EXOC6: variants seen among roughly 807,000 people sequenced by gnomAD.
EXOC6 encodes SEC15-like 1.
In EXOC6, 60 loss-of-function variants were observed where a neutral mutation model predicts 112.5. The ratio of observed to expected loss-of-function variants is 0.53; its 90% CI spans 0.43 to 0.66. The LOEUF is 0.66. Among genes scored for constraint, EXOC6 ranks in the 30% least tolerant of loss-of-function variants. EXOC6 has a pLI of 0.00. For missense variants in EXOC6, 855 were observed against 957.1 expected, an observed-to-expected ratio of 0.89 and a Z score of 1.41; for synonymous variants, 295 against 308.0, an observed-to-expected ratio of 0.96 and a Z score of 0.44.
chr10:93,004,162 G>A (rs1320872670), intron 19 of EXOC6, among the ~76,000 whole-genome samples: 2 of 152,176 alleles, frequency 1.3e-5, no homozygotes, highest in African/African-American at 2.4e-5. Flanking sequence ...TGGATTCCAG[G>A]CATTTTGGAG....
At chr10:92,991,109 A>G (rs1218352296) in intron 18 of EXOC6, among the ~76,000 whole-genome samples, 4 of 147,054 alleles carry the variant, frequency 2.7e-5, no homozygotes, top group African/African-American at 7.7e-5. Flanking sequence ...TGTCTAAACC[A>G]TTAGTGATTC....
chr10:93,013,317 A>T (rs1202035971), intron 19 of EXOC6, among the ~76,000 whole-genome samples: 1 of 152,030 alleles, frequency 6.6e-6, no homozygotes, highest in Non-Finnish European at 1.5e-5. Context: ...TTTCTAAAAA[A>T]ATCACTGGCC....
At chr10:92,871,917 A>G (rs1430843002) in intron 1 of EXOC6, among the ~76,000 whole-genome samples, 2 of 151,948 alleles carry the variant, frequency 1.3e-5, no homozygotes, top group East Asian at 3.8e-4. Flanking sequence ...AATTTTGTGT[A>G]TTTGTAATTT....
intron 19 of EXOC6, among the ~76,000 whole-genome samples, chr10:93,000,713 G>A (rs543319890): frequency 2.0e-5 from 3 of 152,176 alleles, no homozygotes; most frequent in South Asian, 2.1e-4. Context: ...TCTGAATACA[G>A]TAACATGCAT....
intron 1 of EXOC6, among the ~76,000 whole-genome samples, chr10:92,840,771 T>C (rs1375409834): frequency 6.6e-6 from 1 of 151,816 alleles, no homozygotes; most frequent in Admixed American, 6.6e-5. Flanking sequence ...AATCCACCCA[T>C]CTCAGCCTCT....
At chr10:92,953,662 C>A (rs2134013870) in intron 15 of EXOC6, among the ~76,000 whole-genome samples, 1 of 152,222 alleles carries the variant, frequency 6.6e-6, no homozygotes, top group African/African-American at 2.4e-5. Flanking sequence ...GATGGATAAT[C>A]CATGGTCTAC....
chr10:92,856,992 T>C (rs1847633097), intron 1 of EXOC6, among the ~76,000 whole-genome samples: 1 of 152,198 alleles, frequency 6.6e-6, no homozygotes, highest in African/African-American at 2.4e-5. Context: ...TACTTTTAAA[T>C]ATGTCATTAA....
At chr10:92,851,752 A>G (rs1460474709) in intron 1 of EXOC6, among the ~76,000 whole-genome samples, 4 of 151,952 alleles carry the variant, frequency 2.6e-5, no homozygotes, top group African/African-American at 9.7e-5. Flanking sequence ...TATAGATTCT[A>G]CAGACATTAA....
upstream of EXOC6, among the ~76,000 whole-genome samples, chr10:92,848,055 G>A (rs958057262): frequency 2.0e-5 from 3 of 151,892 alleles, no homozygotes; most frequent in Non-Finnish European, 4.4e-5. Context: ...TTTGCTTTTC[G>A]TGAGTGCATG....
At chr10:92,830,725 G>A (rs1846461388), upstream of EXOC6, among the ~76,000 whole-genome samples, 1 of 152,144 alleles carries the variant, frequency 6.6e-6, no homozygotes, top group African/African-American at 2.4e-5. Context: ...GGACCCACAA[G>A]ATCACCCAGT....
At chr10:92,976,060 G>A (rs1259394874) in intron 18 of EXOC6, among the ~76,000 whole-genome samples, 3 of 140,568 alleles carry the variant, frequency 2.1e-5, no homozygotes, top group Admixed American at 7.0e-5. Context: ...GGGGGGGTCA[G>A]CCCCCCGCCC....
chr10:92,917,958 C>T (rs1429774304), intron 7 of EXOC6, among the ~76,000 whole-genome samples: 1 of 152,128 alleles, frequency 6.6e-6, no homozygotes, highest in Non-Finnish European at 1.5e-5. Flanking sequence ...TGAGACCTGC[C>T]TGGCCAACAT....
At chr10:92,945,352 T>A (rs1427434682) in intron 13 of EXOC6, among the ~76,000 whole-genome samples, 1 of 152,246 alleles carries the variant, frequency 6.6e-6, no homozygotes, top group Non-Finnish European at 1.5e-5. Context: ...GTTTCCTTGC[T>A]GTGCAGAAGC....
chr10:93,036,467 A>G (rs186901142), intron 20 of EXOC6, among the ~76,000 whole-genome samples: 9 of 152,238 alleles, frequency 5.9e-5, no homozygotes, highest in Admixed American at 5.2e-4. Context: ...TGTACTGTCT[A>G]TAGTGTACAT....
intron 20 of EXOC6, among the ~76,000 whole-genome samples, chr10:93,032,706 C>A (rs1477216741): frequency 6.6e-6 from 1 of 151,942 alleles, no homozygotes; most frequent in Non-Finnish European, 1.5e-5. Context: ...CTCTCACAGT[C>A]CCCCTTTGTT....
intron 19 of EXOC6, among the ~76,000 whole-genome samples, chr10:93,007,252 G>T (rs1432208624): frequency 1.3e-5 from 2 of 150,748 alleles, no homozygotes; most frequent in African/African-American, 4.9e-5. Context: ...ATTTTGCATA[G>T]ATCCTGAGGG....
At chr10:92,894,478 A>G (rs977902861) in intron 2 of EXOC6, among the ~76,000 whole-genome samples, 1 of 152,184 alleles carries the variant, frequency 6.6e-6, no homozygotes, top group Non-Finnish European at 1.5e-5. Context: ...TGAAGTTATC[A>G]AAAGGGGACC....
At chr10:92,919,902 G>A in intron 7 of EXOC6, 80 bp from the exon 8 acceptor site, 2 of 785,324 alleles carry the variant, frequency 2.5e-6, no homozygotes, top group Non-Finnish European at 4.0e-6. Context: ...GAATCTTCTT[G>A]CCTATCTTTA....
chr10:92,837,827 A>G (rs980999286), intron 1 of EXOC6, among the ~76,000 whole-genome samples: 9 of 152,190 alleles, frequency 5.9e-5, no homozygotes, highest in African/African-American at 2.2e-4. Context: ...CAAGAGAGAA[A>G]CATTCCCAGG....
Sources: allele counts gnomAD v4.1 joint callset (sites outside exome capture counted in the v4.1 genomes callset), GRCh38; gene constraint gnomAD v4.1.1; transcripts MANE v1.5; gene names NCBI Gene and HGNC (gene_info 2026-07-23, HGNC 2026-07-21).